NOC3L: variants seen among roughly 807,000 people sequenced by gnomAD.
NOC3L encodes the protein nucleolar complex protein 3 homolog.
NOC3L carries 85 observed loss-of-function variants against 102.5 expected under a neutral mutation model. The observed-to-expected ratio is 0.83, with a 90% CI of 0.70 to 0.99. The LOEUF (loss-of-function observed/expected upper bound fraction) is 0.99, where lower values mean the gene tolerates loss of function less well. Ranked by LOEUF, NOC3L falls within the 50% of genes least tolerant of loss-of-function variation. The probability of loss-of-function intolerance (pLI) is 0.00; values close to 1 mark genes in which losing one functional copy is unlikely to be tolerated. For missense variants in NOC3L, 878 were observed against 914.9 expected (o/e 0.96, Z 0.52); for synonymous variants, 303 against 309.4 (o/e 0.98, Z 0.22).
chr10:94,343,181 T>C (rs1261193649), intron 13 of NOC3L, among the ~76,000 whole-genome samples: 1 of 152,222 alleles, frequency 6.6e-6, no homozygotes, highest in African/African-American at 2.4e-5. Flanking sequence ...TCTTTTGCAT[T>C]ATTTAAATTT....
the NOC3L span, among the ~76,000 whole-genome samples, chr10:94,321,539 A>T: frequency 6.6e-6 from 1 of 151,788 alleles, no homozygotes; most frequent in Admixed American, 6.6e-5. Context: ...GAGGCAGGAG[A>T]ATTGCTTGAA....
At chr10:94,328,947 TA>T (rs918369823), downstream of NOC3L, 2 of 152,246 alleles carry the variant, frequency 1.3e-5, no homozygotes, top group African/African-American at 4.8e-5. Context: ...AACAATTTTT[TA>T]AAGCAAAAGT....
chr10:94,354,976 T>C lies in NOC3L; in HGVS notation c.683A>G (p.Asp228Gly). ...AATACTACCTACATTATTTTCTGGA[T>C]CTGATAATATGGCAGATGCCAAGGC... The part of the protein sequence containing the change: ...IAALASAILS[D>G]PENNIKKLKE... Residue 228 changes from aspartate (D) to glycine (G), a missense_variant, in exon 6 of 21, where the codon GAT becomes GGT. Physicochemically the swap from Asp to Gly is moderately conservative, Grantham distance 94. Transcript: ENST00000371361. The C allele has an allele frequency of 1.9e-6, 3 of 1,613,062 alleles. No homozygotes were observed. The highest frequency in any genetic ancestry group is 2.5e-6 in the Non-Finnish European group (3 of 1,179,618).
At chr10:94,349,054 G>C (rs1163306107) in intron 10 of NOC3L, among the ~76,000 whole-genome samples, 196 bp downstream of exon 10, 1 of 151,994 alleles carries the variant, frequency 6.6e-6, no homozygotes, top group Non-Finnish European at 1.5e-5. Flanking sequence ...GACTATATCT[G>C]CAAAGAAAAA....
chr10:94,342,715 A>G (rs1005940380), intron 13 of NOC3L, among the ~76,000 whole-genome samples: 1 of 150,336 alleles, frequency 6.7e-6, no homozygotes, highest in Non-Finnish European at 1.5e-5. Context: ...ACCAAAAGTA[A>G]CTGTTTACAA....
At chr10:94,318,606 TG>T in the NOC3L span, among the ~76,000 whole-genome samples, 5 of 152,308 alleles carry the variant, frequency 3.3e-5, no homozygotes, top group East Asian at 9.7e-4. Context: ...GCTGAAATTG[TG>T]TCCATCCTTG....
chr10:94,350,527 G>A (rs1041918220), intron 8 of NOC3L, among the ~76,000 whole-genome samples: 4 of 151,488 alleles, frequency 2.6e-5, no homozygotes, highest in Admixed American at 6.6e-5. Context: ...TGACCAACAT[G>A]GTGAAACCCC....
the NOC3L span, among the ~76,000 whole-genome samples, chr10:94,321,041 C>A: frequency 6.6e-6 from 1 of 152,074 alleles, no homozygotes; most frequent in Non-Finnish European, 1.5e-5. Flanking sequence ...ACATAATCCA[C>A]CAAAAAGCCA....
At chr10:94,360,038 C>T (rs1564919525) in intron 2 of NOC3L, among the ~76,000 whole-genome samples, 1 of 152,160 alleles carries the variant, frequency 6.6e-6, no homozygotes, top group Non-Finnish European at 1.5e-5. Flanking sequence ...AAATACGGGG[C>T]CAGGCGCGGT....
chr10:94,340,198 T>G (rs2054265938), intron 16 of NOC3L, 78 bp downstream of exon 16: 1 of 1,210,376 alleles, frequency 8.3e-7, no homozygotes, highest in Admixed American at 2.1e-5. Flanking sequence ...CTATTTCTCA[T>G]TTGTCTACAA....
At chr10:94,362,104 A>C in intron 1 of NOC3L, 2 of 581,728 alleles carry the variant, frequency 3.4e-6, no homozygotes, top group South Asian at 3.7e-5. Flanking sequence ...TACGATCCCC[A>C]AACAGGTTAA....
chr10:94,317,116 T>C, the NOC3L span, among the ~76,000 whole-genome samples: 3 of 152,156 alleles, frequency 2.0e-5, no homozygotes, highest in South Asian at 2.1e-4. Context: ...CCAGGCGTGG[T>C]GGCAGGCACC....
At chr10:94,349,186 T>C (rs1467955049) in intron 10 of NOC3L, 64 bp downstream of exon 10, 24 of 1,536,478 alleles carry the variant, frequency 1.6e-5, no homozygotes, top group Non-Finnish European at 2.1e-5. Context: ...AAATTCCTCA[T>C]AACAACTGAA....
chr10:94,344,807 C>A (rs773375787), intron 12 of NOC3L, 46 bp downstream of exon 12: 35 of 1,422,130 alleles, frequency 2.5e-5, no homozygotes, highest in Non-Finnish European at 3.3e-5. Flanking sequence ...CTAGTTTAAA[C>A]AACTTAACGC....
chr10:94,322,968 A>G, the NOC3L span, among the ~76,000 whole-genome samples: 7 of 152,132 alleles, frequency 4.6e-5, no homozygotes, highest in African/African-American at 1.4e-4. Flanking sequence ...AACAAAAACA[A>G]ATTTTAAAAG....
chr10:94,358,799 C>CT (rs1286504348), intron 2 of NOC3L, among the ~76,000 whole-genome samples: 2 of 152,198 alleles, frequency 1.3e-5, no homozygotes, highest in Admixed American at 1.3e-4. Flanking sequence ...GACCACTCCA[C>CT]TTTCTATCTA....
intron 11 of NOC3L, among the ~76,000 whole-genome samples, chr10:94,345,534 C>T (rs569338439): frequency 2.0e-5 from 3 of 152,168 alleles, no homozygotes; most frequent in East Asian, 3.9e-4. Context: ...AAAATTGTTT[C>T]CTTCTCTCAT....
chr10:94,339,152 C>A (rs1449617429), intron 17 of NOC3L, among the ~76,000 whole-genome samples: 1 of 152,186 alleles, frequency 6.6e-6, no homozygotes, highest in Non-Finnish European at 1.5e-5. Flanking sequence ...AATATCACTT[C>A]TACCACTGAC....
At chr10:94,316,601 G>C in the NOC3L span, 1 of 1,608,380 alleles carries the variant, frequency 6.2e-7, no homozygotes, top group Non-Finnish European at 8.5e-7. Flanking sequence ...TTTTTTGATG[G>C]AAGAAAAATA....
Sources: allele counts gnomAD v4.1 joint callset (sites outside exome capture counted in the v4.1 genomes callset), GRCh38; gene constraint gnomAD v4.1.1; transcripts MANE v1.5; gene names NCBI Gene and HGNC (gene_info 2026-07-23, HGNC 2026-07-21).